RFTN1: variants seen among roughly 807,000 people sequenced by gnomAD.
RFTN1 encodes raftlin, lipid raft linker 1, also known as raftlin.
RFTN1 carries 26 observed loss-of-function variants against 46.5 expected under a neutral mutation model. The ratio of observed to expected loss-of-function variants is 0.56; its 90% CI spans 0.41 to 0.78. The LOEUF (loss-of-function observed/expected upper bound fraction) is 0.78, where lower values mean the gene tolerates loss of function less well. Ranked by LOEUF, RFTN1 falls within the 30% of genes least tolerant of loss-of-function variation. The pLI is 0.00. For missense variants in RFTN1, 693 were observed against 718.7 expected, an observed-to-expected ratio of 0.96 and a Z score of 0.41; for synonymous variants, 261 against 284.2, an observed-to-expected ratio of 0.92 and a Z score of 0.82.
At chr3:16,478,700 C>A (rs768414365) in intron 2 of RFTN1, among the ~76,000 whole-genome samples, 1 of 152,154 alleles carries the variant, frequency 6.6e-6, no homozygotes, top group African/African-American at 2.4e-5. Context: ...GGGGGAAGAT[C>A]CACTTCCAAG....
At chr3:16,505,490 A>G (rs930098996) in intron 1 of RFTN1, among the ~76,000 whole-genome samples, 2 of 152,154 alleles carry the variant, frequency 1.3e-5, no homozygotes, top group East Asian at 1.9e-4. Context: ...TATTTATTAT[A>G]AGGAATTAGC....
chr3:16,455,033 G>A (rs534088535), intron 2 of RFTN1, among the ~76,000 whole-genome samples: 3 of 152,112 alleles, frequency 2.0e-5, no homozygotes, highest in Non-Finnish European at 4.4e-5. Flanking sequence ...GTCTTCCAAG[G>A]GTAAGGAAAA....
chr3:16,319,698 T>C (rs2068829431), intron 9 of RFTN1, among the ~76,000 whole-genome samples: 1 of 152,204 alleles, frequency 6.6e-6, no homozygotes, highest in African/African-American at 2.4e-5. Context: ...GTTGATCTGC[T>C]GATATAATAC....
At chr3:16,494,131 C>G (rs1203023726) in intron 1 of RFTN1, among the ~76,000 whole-genome samples, 1 of 152,116 alleles carries the variant, frequency 6.6e-6, no homozygotes, top group Non-Finnish European at 1.5e-5. Flanking sequence ...AAAAGCATAC[C>G]TGTTTTATAT....
rs2076681575 is a variant in RFTN1 at position 16,499,763 on chromosome 3, A to G, written c.-8-5886T>C. ...GGCCTGCTTTTAAGGTCCCTGTTAC[A>G]GCCATTCACCCTTTGAAGGGCATTT... On this transcript the variant is annotated intron_variant, in intron 1 of 9. Transcript: ENST00000334133. This position sits in a 1 kb window ranked among gnomAD's most constrained non-coding sequence, Gnocchi z 4.9. Among the ~76,000 whole-genome samples, 1 of 152,212 alleles carries G rather than the reference A, an allele frequency of 6.6e-6. No homozygotes were observed. Among genetic ancestry groups the G allele is most frequent in the African/African-American group, 2.4e-5 (1 of 41,452 alleles).
At position 16,382,635 on chromosome 3, in the gene RFTN1, C is replaced by T. The variant is rs986124618; in HGVS notation, c.442-4533G>A. Among the ~76,000 whole-genome samples, 8 of 152,178 alleles carry T rather than the reference C, an allele frequency of 5.3e-5. No individual in the cohort carries two copies. The highest frequency in any genetic ancestry group is 2.1e-4 in the South Asian group (1 of 4,832). ...TGCAAGTTCAGACCTACACAGAAGACGATCACAGCTGACGGGTCCACTGTT... is the reference window on the plus strand; with the variant it reads ...TGCAAGTTCAGACCTACACAGAAGATGATCACAGCTGACGGGTCCACTGTT... On this transcript the variant is annotated intron_variant, in intron 4 of 9. Transcript: ENST00000334133. The surrounding 1 kb of genome is among the most constrained non-coding windows in gnomAD (Gnocchi z 4.7).
rs1306235570 is a variant in RFTN1 at position 16,400,344 on chromosome 3, G to A, written c.441+9031C>T. ...CCTCCCCTGTTGACCCTCAGGTCTTGGTATGTACACTTCATGGAGCACTCC... is the reference window on the plus strand; with the variant it reads ...CCTCCCCTGTTGACCCTCAGGTCTTAGTATGTACACTTCATGGAGCACTCC... On this transcript the variant is annotated intron_variant, in intron 4 of 9. Transcript: ENST00000334133. This position sits in a 1 kb window ranked among gnomAD's most constrained non-coding sequence, Gnocchi z 4.5. 6.6e-6 allele frequency among the ~76,000 whole-genome samples: 1 copy of A among 152,130 alleles called. No individual in the cohort carries two copies.
chr3:16,435,393 AC>A (rs1158665249), intron 2 of RFTN1, among the ~76,000 whole-genome samples: 2 of 151,740 alleles, frequency 1.3e-5, no homozygotes, highest in East Asian at 3.9e-4. Context: ...ACATGATGAA[AC>A]CCCATCTCTG....
At chr3:16,464,488 C>T (rs901129794) in intron 2 of RFTN1, among the ~76,000 whole-genome samples, 4 of 152,198 alleles carry the variant, frequency 2.6e-5, no homozygotes, top group African/African-American at 9.7e-5. Context: ...CCTCAAACTA[C>T]CCAATCCTAG....
chr3:16,326,771 A>C lies in RFTN1; in HGVS notation c.1250+2T>G, dbSNP rs1347137863. 6.2e-7 allele frequency: 1 copy of C among 1,610,770 alleles called. No homozygotes were observed. The highest frequency in any genetic ancestry group is 2.2e-5 in the East Asian group (1 of 44,876). On this transcript the variant is annotated splice_donor_variant, in intron 8 of 9. Transcript: ENST00000334133. LOFTEE classifies it high-confidence loss of function. ...AATCCTAATGATTACTGTTATTGTT[A>C]CCTGGTAGTCTTGACGACGGGAGTT... is the stretch of plus-strand genomic sequence containing the variant.
In RFTN1 at chr3:16,447,858, G is replaced by A. The variant is rs4684280; in HGVS notation, c.146-13821C>T. Among the ~76,000 whole-genome samples, 29,411 of 152,162 alleles carry A rather than the reference G, an allele frequency of 0.19. 3,254 individuals are homozygous for A. Among genetic ancestry groups the A allele is most frequent in the African/African-American group, 0.28 (11,644 of 41,502 alleles). On this transcript the variant is annotated intron_variant, in intron 2 of 9. Coordinates refer to ENST00000334133, the MANE Select transcript of RFTN1 (RefSeq NM_015150.2). This position sits in a 1 kb window ranked among gnomAD's most constrained non-coding sequence, Gnocchi z 5.9. ...TGCCAGTGATCACTTACTGAGATGG[G>A]CCATGGAGAAGTCTGGCCTTTGAGG...
At chr3:16,454,792 G>A (rs1386180215) in intron 2 of RFTN1, 2 of 985,338 alleles carry the variant, frequency 2.0e-6, no homozygotes, top group Non-Finnish European at 2.4e-6. Context: ...ACAGTTTTCT[G>A]GCGTGTCTCC....
At position 16,377,666 on chromosome 3, in the gene RFTN1, G is replaced by A. The variant is rs2073828628; in HGVS notation, c.826+52C>T. On this transcript the variant is annotated intron_variant, in intron 5 of 9. Coordinates refer to ENST00000334133, the MANE Select transcript of RFTN1 (RefSeq NM_015150.2). ...GAGATACCATGGGGATTAATGAAAAGCTGTTAGCTGCTCTTTAAGTGGGTC... is the reference window on the plus strand; with the variant it reads ...GAGATACCATGGGGATTAATGAAAAACTGTTAGCTGCTCTTTAAGTGGGTC... 6 of 1,525,546 alleles carry A rather than the reference G, an allele frequency of 3.9e-6. No homozygotes were observed. The South Asian group carries it at 5.2e-5, about 13-fold the overall frequency. The allele number at this position is 1,525,546 out of a possible 1,614,324, so 94.5% of individuals were successfully genotyped here.
Position 16,440,830 on chromosome 3 carries a change from T to A in RFTN1, c.146-6793A>T, listed in dbSNP as rs2075607409. 6.6e-6 allele frequency among the ~76,000 whole-genome samples: 1 copy of A among 152,216 alleles called. No homozygotes were observed. ...TGGCCAAAGTCAAGACCTAGCAGCC[T>A]GCAGAGTATGGATGGGGCATTTGAT... On this transcript the variant is annotated intron_variant, in intron 2 of 9. Coordinates refer to ENST00000334133, the MANE Select transcript of RFTN1 (RefSeq NM_015150.2). This position sits in a 1 kb window ranked among gnomAD's most constrained non-coding sequence, Gnocchi z 4.6.
In RFTN1 at chr3:16,507,872, C is replaced by A. The variant is rs1382293118; in HGVS notation, c.-9+5570G>T. 6.6e-6 allele frequency among the ~76,000 whole-genome samples: 1 copy of A among 151,910 alleles called. No homozygotes were observed. The highest frequency in any genetic ancestry group is 2.1e-4 in the South Asian group (1 of 4,814). ...ATATATATACACACACACATGCACA[C>A]ATATGAAAGCTGATAGGCCCCCGTA... On this transcript the variant is annotated intron_variant, in intron 1 of 9. Coordinates refer to ENST00000334133, the MANE Select transcript of RFTN1 (RefSeq NM_015150.2). This position sits in a 1 kb window ranked among gnomAD's most constrained non-coding sequence, Gnocchi z 7.1.
chr3:16,440,947 G>T lies in RFTN1; in HGVS notation c.146-6910C>A, dbSNP rs2075609673. Among the ~76,000 whole-genome samples the T allele has an allele frequency of 6.6e-6, 1 of 152,106 alleles. No individual in the cohort carries two copies. The highest frequency in any genetic ancestry group is 2.1e-4 in the South Asian group (1 of 4,830). On this transcript the variant is annotated intron_variant, in intron 2 of 9. Transcript: ENST00000334133. This position sits in a 1 kb window ranked among gnomAD's most constrained non-coding sequence, Gnocchi z 4.6. ...TGAGCATCAGTCATACATGGAGGAGGATGTCATTCTGTTCATCCCACATCA... is the reference window on the plus strand; with the variant it reads ...TGAGCATCAGTCATACATGGAGGAGTATGTCATTCTGTTCATCCCACATCA...
rs976324222 is a variant in RFTN1, at chr3:16,353,480, C to G, written c.1146+4452G>C. ...TTAGTTCCCCTAAGACAGGGATTCT[C>G]AAGGTGGGGTTCCCACACCAGCAGC... is the stretch of plus-strand genomic sequence containing the variant. On this transcript the variant is annotated intron_variant, in intron 7 of 9. Transcript: ENST00000334133. This position sits in a 1 kb window ranked among gnomAD's most constrained non-coding sequence, Gnocchi z 5.4. 6.6e-6 allele frequency among the ~76,000 whole-genome samples: 1 copy of G among 152,158 alleles called. No individual in the cohort carries two copies. Among genetic ancestry groups the G allele is most frequent in the African/African-American group, 2.4e-5 (1 of 41,432 alleles).
At chr3:16,369,977 C>A in intron 6 of RFTN1, 99 bp downstream of exon 6, 1 of 1,136,206 alleles carries the variant, frequency 8.8e-7, no homozygotes. Flanking sequence ...GGCTGCAGAG[C>A]TTTCTGAATG....
In RFTN1 at chr3:16,470,282, A is replaced by G. The variant is rs2076172294; in HGVS notation, c.145+23443T>C. Among the ~76,000 whole-genome samples the G allele has an allele frequency of 2.0e-5, 3 of 152,064 alleles. No individual in the cohort carries two copies. The South Asian group carries it at 6.2e-4, about 32-fold the overall frequency. Reference sequence around the variant, plus strand: ...CATAAAAACAAAACAAAACAAAACAAAGCAACTTTCTGAGGGCACTGGAGA... The same window carrying G: ...CATAAAAACAAAACAAAACAAAACAGAGCAACTTTCTGAGGGCACTGGAGA... On this transcript the variant is annotated intron_variant, in intron 2 of 9. Coordinates refer to ENST00000334133, the MANE Select transcript of RFTN1 (RefSeq NM_015150.2).
Sources: gnomAD v4.1 joint callset for allele counts (sites outside exome capture counted in the v4.1 genomes callset) on GRCh38, gnomAD v4.1.1 for gene constraint, Gnocchi (gnomAD v3.1) non-coding constraint, MANE v1.5 for transcripts, NCBI Gene and HGNC (gene_info 2026-07-23, HGNC 2026-07-21) for gene names.